The following RAI2 variants were observed in gnomAD, a reference collection of about 807,000 sequenced individuals.
RAI2 encodes retinoic acid induced 2, also known as retinoic acid-induced protein 2.
A neutral mutation model predicts 15.3 loss-of-function variants in RAI2; 5 were observed. That is an observed-to-expected ratio of 0.33 (90% CI 0.17 to 0.69). The LOEUF is 0.69. Ranked by LOEUF, RAI2 falls within the 30% of genes least tolerant of loss-of-function variation. RAI2 has a pLI of 0.69. For missense variants in RAI2, 424 were observed against 424.7 expected, an observed-to-expected ratio of 1.00 and a Z score of 0.01; for synonymous variants, 191 against 184.0, an observed-to-expected ratio of 1.04 and a Z score of -0.31.
chrX:17,840,116 CT>C (rs1033938691), intron 1 of RAI2, among the ~76,000 whole-genome samples: 2 of 111,968 alleles, frequency 1.8e-5, no homozygotes, highest in Non-Finnish European at 3.8e-5. Flanking sequence ...ATATGTGTTA[CT>C]TTTTTCAGTC....
At chrX:17,823,760 A>G (rs984766340) in intron 1 of RAI2, among the ~76,000 whole-genome samples, 2 of 112,186 alleles carry the variant, frequency 1.8e-5, no homozygotes, top group Non-Finnish European at 3.8e-5. Context: ...ACCCAAGGCC[A>G]GTGAAATCAA....
chrX:17,824,370 G>A (rs2067203749), intron 1 of RAI2, among the ~76,000 whole-genome samples: 1 of 112,250 alleles, frequency 8.9e-6, no homozygotes, highest in Non-Finnish European at 1.9e-5. Context: ...TTTCCACGGG[G>A]AGGCGAGAGA....
At position 17,800,172 on chromosome X, in the gene RAI2, T is replaced by A. The variant is rs1246956640; in HGVS notation, c.*246A>T. 1 of 354,847 alleles carries A rather than the reference T, an allele frequency of 2.8e-6. No individual in the cohort carries two copies. Among genetic ancestry groups the A allele is most frequent in the African/African-American group, 2.7e-5 (1 of 37,412 alleles). 29.2% of individuals were successfully genotyped at this position (354,847 alleles called of 1,213,427 possible). A position where few individuals can be genotyped will look rare whatever the true frequency, so the allele number is the denominator to read the frequency against. On this transcript the variant is annotated 3_prime_UTR_variant, in exon 2 of 2. Transcript: ENST00000451717. ...CCCCTCTAATTCACCCAATATTCCATTAAAGCTGCAAAAAATGTGCAATCT... is the reference window on the plus strand; with the variant it reads ...CCCCTCTAATTCACCCAATATTCCAATAAAGCTGCAAAAAATGTGCAATCT...
At position 17,800,481 on chromosome X, in the gene RAI2, G is replaced by A; in HGVS notation, c.1530C>T (p.Ser510=). The A allele has an allele frequency of 8.3e-7, 1 of 1,210,530 alleles. No homozygotes were observed. Among genetic ancestry groups the A allele is most frequent in the Non-Finnish European group, 1.1e-6 (1 of 895,106 alleles). ...TGATTGGGAGCATGTGTATTTCCTG[G>A]GAGTTCACTTTCTTTAACTTTATGC... ...NRSIKLKKVN[S]QEIHMLPIKK... is the part of the protein sequence containing the mutation. Residue 510 remains serine (S), a synonymous_variant, in exon 2 of 2, where the codon TCC becomes TCT. Transcript: ENST00000451717.
At chrX:17,844,832 G>A (rs758691715) in intron 1 of RAI2, among the ~76,000 whole-genome samples, 2 of 112,178 alleles carry the variant, frequency 1.8e-5, no homozygotes, top group Non-Finnish European at 3.8e-5. Context: ...TGGTGACATC[G>A]GTGTGCTGTT....
At position 17,833,353 on chromosome X, in the gene RAI2, C is replaced by T. The variant is rs775896327; in HGVS notation, c.-25+27745G>A. 4.5e-5 allele frequency among the ~76,000 whole-genome samples: 5 copies of T among 110,953 alleles called. No individual in the cohort carries two copies. In the East Asian group the frequency reaches 8.5e-4, roughly 19 times the overall value. ...GCTGGCCAATGTGGTGAAACCCTGTCGCTACTAAAAATTCAAAAATTAGCC... is the reference window on the plus strand; with the variant it reads ...GCTGGCCAATGTGGTGAAACCCTGTTGCTACTAAAAATTCAAAAATTAGCC... On this transcript the variant is annotated intron_variant, in intron 1 of 1. Coordinates refer to ENST00000451717, the MANE Select transcript of RAI2 (RefSeq NM_021785.6).
At chrX:17,833,142 A>ACTTGGACAGATGTC (rs2067300226) in intron 1 of RAI2, among the ~76,000 whole-genome samples, 1 of 112,421 alleles carries the variant, frequency 8.9e-6, no homozygotes. Context: ...AATTACTGAT[A>ACTTGGACAGATGTC]CAATGCAACA....
chrX:17,826,104 C>A (rs1364365599), intron 1 of RAI2, among the ~76,000 whole-genome samples: 1 of 112,932 alleles, frequency 8.9e-6, no homozygotes, highest in African/African-American at 3.2e-5. Context: ...AAAGCCCTAT[C>A]TGATCTGGCC....
chrX:17,802,939 G>A (rs1423817204), intron 1 of RAI2, among the ~76,000 whole-genome samples: 2 of 111,818 alleles, frequency 1.8e-5, no homozygotes, highest in African/African-American at 3.3e-5. Context: ...CTGCAGATGC[G>A]ATAGGGCTCT....
At chrX:17,813,578 A>G (rs2067072862) in intron 1 of RAI2, among the ~76,000 whole-genome samples, 1 of 111,542 alleles carries the variant, frequency 9.0e-6, no homozygotes, top group Non-Finnish European at 1.9e-5. Context: ...GATCAAATAA[A>G]GGGGGCAGGG....
At chrX:17,841,843 T>G (rs2067401333) in intron 1 of RAI2, among the ~76,000 whole-genome samples, 1 of 112,504 alleles carries the variant, frequency 8.9e-6, no homozygotes. Context: ...CACTCAATTC[T>G]TGGTTATTTC....
chrX:17,856,636 G>A (rs990233185), intron 1 of RAI2, among the ~76,000 whole-genome samples: 3 of 112,482 alleles, frequency 2.7e-5, no homozygotes, highest in Non-Finnish European at 3.8e-5. Flanking sequence ...CATGTTTTGC[G>A]GTGCTGCCCC....
At chrX:17,803,689 G>A (rs1348539130) in intron 1 of RAI2, among the ~76,000 whole-genome samples, 1 of 111,986 alleles carries the variant, frequency 8.9e-6, no homozygotes, top group East Asian at 2.8e-4. Flanking sequence ...AAGGGGGGAG[G>A]GAAAGGATGC....
Position 17,800,632 on chromosome X carries a change from C to T in RAI2, c.1379G>A (p.Gly460Glu), listed in dbSNP as rs760977676. 8 of 1,209,659 alleles carry T rather than the reference C, an allele frequency of 6.6e-6. No homozygotes were observed. Among genetic ancestry groups the T allele is most frequent in the African/African-American group, 1.8e-5 (1 of 57,027 alleles). The part of the protein sequence containing the change: ...IFCGKIKGLS[G>E]VSTKNFSFKR... Reference sequence around the variant, plus strand: ...GAAGGAGAAGTTTTTGGTGGACACCCCTGAGAGGCCTTTGATCTTGCCACA... The same window carrying T: ...GAAGGAGAAGTTTTTGGTGGACACCTCTGAGAGGCCTTTGATCTTGCCACA... The change falls in exon 2 of 2, where the codon GGG becomes GAG. Residue 460 changes from glycine to glutamate, a missense_variant. Gly to Glu is a moderately conservative substitution (Grantham distance 98). Coordinates refer to ENST00000451717, the MANE Select transcript of RAI2 (RefSeq NM_021785.6).
chrX:17,834,677 A>G (rs1601924439), intron 1 of RAI2, among the ~76,000 whole-genome samples: 1 of 110,982 alleles, frequency 9.0e-6, no homozygotes, highest in East Asian at 2.8e-4. Context: ...TGTGAGGCCC[A>G]CAGTATCCTT....
At chrX:17,860,797 G>A (rs2067679150) in intron 1 of RAI2, 2 of 106,969 alleles carry the variant, frequency 1.9e-5, no homozygotes, top group African/African-American at 6.6e-5. Context: ...CCGCCCCGCC[G>A]GCCGGCGCCG....
At chrX:17,823,294 A>G (rs749041396) in intron 1 of RAI2, among the ~76,000 whole-genome samples, 2 of 112,639 alleles carry the variant, frequency 1.8e-5, no homozygotes, top group Admixed American at 1.9e-4. Flanking sequence ...TATTGTTATT[A>G]TAACAAAAGA....
intron 1 of RAI2, among the ~76,000 whole-genome samples, chrX:17,834,412 G>T (rs1473482223): frequency 1.8e-5 from 2 of 109,817 alleles, no homozygotes; most frequent in Non-Finnish European, 3.8e-5. Flanking sequence ...ACATAATTAT[G>T]ATCACCATAG....
At chrX:17,860,520 G>C (rs577577568) in intron 1 of RAI2, 1 of 112,993 alleles carries the variant, frequency 8.9e-6, no homozygotes, top group Non-Finnish European at 1.9e-5. Context: ...CGGCTCCGGG[G>C]GGGATGCGGG....
Sources: gnomAD v4.1 joint callset for allele counts (sites outside exome capture counted in the v4.1 genomes callset) on GRCh38, gnomAD v4.1.1 for gene constraint, MANE v1.5 for transcripts, NCBI Gene and HGNC (gene_info 2026-07-23, HGNC 2026-07-21) for gene names.